Variants in INTS8 observed in about 807,000 individuals in gnomAD.
INTS8 encodes the protein protein kaonashi-1.
Under a neutral mutation model 138.9 loss-of-function variants are expected in INTS8, and 47 were observed. That is an observed-to-expected ratio of 0.34 (90% CI 0.27 to 0.43). The LOEUF (loss-of-function observed/expected upper bound fraction) is 0.43. Among genes scored for constraint, INTS8 ranks in the 20% least tolerant of loss-of-function variants. INTS8 has a pLI of 1.00. For missense variants in INTS8, 996 were observed against 1,173.0 expected (o/e 0.85, Z 2.20); for synonymous variants, 392 against 400.9 (o/e 0.98, Z 0.27).
intron 20 of INTS8, among the ~76,000 whole-genome samples, chr8:94,870,481 A>G (rs1207489291): frequency 6.6e-6 from 1 of 152,258 alleles, no homozygotes; most frequent in Non-Finnish European, 1.5e-5. Flanking sequence ...ATGTTTGACT[A>G]GAGAAAAGTA....
rs976984866 is a variant in INTS8, at chr8:94,880,174, G to A, written c.2928G>A (p.Gln976=). The A allele has an allele frequency of 4.5e-5, 72 of 1,612,212 alleles. No homozygotes were observed. The highest frequency in any genetic ancestry group is 5.6e-5 in the Non-Finnish European group (66 of 1,179,522). Residue 976 remains glutamine (Q), a synonymous_variant, in exon 27 of 27, where the codon CAG becomes CAA. Coordinates refer to ENST00000523731, the MANE Select transcript of INTS8 (RefSeq NM_017864.4). The part of the protein sequence containing the change: ...LNASNPEEVL[Q]LAAQRRKKKF... ...CAAGCAATCCAGAAGAAGTGTTACA[G>A]CTGGCAGCGCAGAGAAGGAAAAAAA...
intron 6 of INTS8, among the ~76,000 whole-genome samples, chr8:94,832,747 C>T (rs555973701): frequency 2.6e-5 from 4 of 152,044 alleles, no homozygotes; most frequent in South Asian, 2.1e-4. Context: ...CTCCGCCTCC[C>T]GGGTTCATGC....
At chr8:94,874,656 A>T in intron 23 of INTS8, 54 bp downstream of exon 23, 1 of 999,782 alleles carries the variant, frequency 1.0e-6, no homozygotes. Context: ...TAGAGTTTAT[A>T]ATAAATATAA....
At chr8:94,823,819 G>T (rs1208828198) in intron 1 of INTS8, among the ~76,000 whole-genome samples, 2 of 152,178 alleles carry the variant, frequency 1.3e-5, no homozygotes, top group East Asian at 3.9e-4. Flanking sequence ...TCCTTTTTAC[G>T]ATTTACCTTT....
intron 26 of INTS8, 142 bp downstream of exon 26, chr8:94,876,631 C>G: frequency 3.7e-6 from 2 of 534,710 alleles, no homozygotes; most frequent in South Asian, 6.1e-5. Flanking sequence ...ATAAAAGATC[C>G]TTTTTTGATA....
Position 94,851,052 on chromosome 8 carries a change from A to G in INTS8, c.1508-501A>G, listed in dbSNP as rs78137966. On this transcript the variant is annotated intron_variant, in intron 12 of 26. Transcript: ENST00000523731. ...AACACAGAAATGCTGGAAATGCATTATTGAAGACCGTATCTGATATCTGAG... is the reference window on the plus strand; with the variant it reads ...AACACAGAAATGCTGGAAATGCATTGTTGAAGACCGTATCTGATATCTGAG... Among the ~76,000 whole-genome samples the G allele has an allele frequency of 7.4e-3, 1,124 of 152,346 alleles. 7 individuals carry two copies. The highest frequency in any genetic ancestry group is 0.026 in the African/African-American group (1,070 of 41,586).
In INTS8 at chr8:94,857,584, T is replaced by C. The variant is rs138487209; in HGVS notation, c.1954+606T>C. ...TCTGAAGTCAGGATGTCTGCAGGGC[T>C]GTGCTGCCCCCAAAGGCTCCAAGAA... On this transcript the variant is annotated intron_variant, in intron 15 of 26. Transcript: ENST00000523731. Among the ~76,000 whole-genome samples, 60 of 152,332 alleles carry C rather than the reference T, an allele frequency of 3.9e-4. 2 individuals are homozygous for C. The East Asian group carries it at 0.01, about 26-fold the overall frequency.
intron 17 of INTS8, 54 bp from the exon 18 acceptor site, chr8:94,866,104 T>G: frequency 1.3e-6 from 1 of 764,746 alleles, no homozygotes; most frequent in Non-Finnish European, 2.2e-6. Context: ...ACTTTCTTGA[T>G]TTTATTTTTT....
In INTS8 at chr8:94,873,446, A is replaced by G; in HGVS notation, c.2606A>G (p.Lys869Arg). The G allele has an allele frequency of 6.2e-7, 1 of 1,613,622 alleles. No individual in the cohort carries two copies. Among genetic ancestry groups the G allele is most frequent in the Non-Finnish European group, 8.5e-7 (1 of 1,179,532 alleles). Residue 869 changes from lysine (K) to arginine (R), a missense_variant, in exon 22 of 27, where the codon AAG (lysine) becomes AGG (arginine). Lys to Arg is a conservative substitution (Grantham distance 26, BLOSUM62 2). Transcript: ENST00000523731. ...AGAVCSDFFNKAVPPDVYTDQ... is the reference protein window; with the variant it reads ...AGAVCSDFFNRAVPPDVYTDQ... ...GCTGTGTGTTCTGACTTCTTTAACA[A>G]GGCTGTGCCCCCTGATGTTTATACA...
At position 94,836,057 on chromosome 8, in the gene INTS8, T is replaced by C. The variant is rs558406487; in HGVS notation, c.754-467T>C. On this transcript the variant is annotated intron_variant, in intron 6 of 26. Transcript: ENST00000523731. ...TAGTAAGTCATAGCATTGAGAGTGA[T>C]GGAGAATCCATTGTGGTGGTGGGTA... Among the ~76,000 whole-genome samples the C allele has an allele frequency of 2.0e-5, 3 of 152,290 alleles. No individual in the cohort carries two copies. In the East Asian group the frequency reaches 5.8e-4, roughly 29 times the overall value.
At chr8:94,842,822 T>C (rs1225511751) in intron 10 of INTS8, among the ~76,000 whole-genome samples, 1 of 152,242 alleles carries the variant, frequency 6.6e-6, no homozygotes, top group African/African-American at 2.4e-5. Context: ...CTCATCTGTT[T>C]CATCACCTGT....
chr8:94,850,114 CA>C, intron 12 of INTS8, 23 bp downstream of exon 12: 1 of 1,536,074 alleles, frequency 6.5e-7, no homozygotes, highest in Non-Finnish European at 8.8e-7. Context: ...GTCGGCCAGC[CA>C]AAATGTTGGC....
chr8:94,859,227 A>G (rs181072506), intron 15 of INTS8, among the ~76,000 whole-genome samples: 1 of 151,606 alleles, frequency 6.6e-6, no homozygotes, highest in African/African-American at 2.4e-5. Context: ...GCTGCAGTGA[A>G]CCATAATCAC....
chr8:94,828,122 C>T (rs187548410), intron 4 of INTS8, among the ~76,000 whole-genome samples: 210 of 150,958 alleles, frequency 1.4e-3, no homozygotes, highest in African/African-American at 4.9e-3. Context: ...TCACTGCAGC[C>T]TCCACCTCCT....
chr8:94,831,936 G>T, intron 5 of INTS8, 56 bp from the exon 6 acceptor site: 3 of 1,378,222 alleles, frequency 2.2e-6, no homozygotes, highest in South Asian at 2.8e-5. Flanking sequence ...AAATATTTTT[G>T]GTTATTATAA....
chr8:94,832,896 C>T (rs975810271), intron 6 of INTS8, among the ~76,000 whole-genome samples: 37 of 152,164 alleles, frequency 2.4e-4, no homozygotes, highest in Admixed American at 5.2e-4. Flanking sequence ...CCTCGTGATC[C>T]GCCCGCCTCG....
Position 94,876,296 on chromosome 8 carries a change from A to T in INTS8, c.2827+11A>T. On this transcript the variant is annotated intron_variant, in intron 25 of 26. Transcript: ENST00000523731. ...TGGAATACTTGACTTGTATCCTTTC[A>T]TCCATGTGTGTGATGTTAGAATGAT... 2 of 1,594,802 alleles carry T rather than the reference A, an allele frequency of 1.3e-6. No individual in the cohort carries two copies. Among genetic ancestry groups the T allele is most frequent in the Non-Finnish European group, 1.7e-6 (2 of 1,163,266 alleles).
intron 2 of INTS8, 114 bp from the exon 3 acceptor site, chr8:94,827,149 A>G: frequency 1.1e-6 from 1 of 904,802 alleles, no homozygotes; most frequent in Non-Finnish European, 1.7e-6. Flanking sequence ...AGCTAAACCC[A>G]GAGATGTGGT....
chr8:94,857,025 T>A, intron 15 of INTS8, 47 bp downstream of exon 15: 2 of 1,326,680 alleles, frequency 1.5e-6, no homozygotes, highest in Non-Finnish European at 2.1e-6. Flanking sequence ...AGTACTCACA[T>A]AATTGTGGGG....
Sources: allele counts gnomAD v4.1 joint callset (sites outside exome capture counted in the v4.1 genomes callset), GRCh38; gene constraint gnomAD v4.1.1; transcripts MANE v1.5; gene names NCBI Gene and HGNC (gene_info 2026-07-23, HGNC 2026-07-21).